GPR155: variants seen among roughly 807,000 people sequenced by gnomAD.
GPR155 encodes lysosomal cholesterol signaling protein.
In GPR155, 65 loss-of-function variants were observed where a neutral mutation model predicts 93.1. The ratio of observed to expected loss-of-function variants is 0.70; its 90% CI spans 0.57 to 0.86. The LOEUF (loss-of-function observed/expected upper bound fraction) is 0.86, where lower values mean the gene tolerates loss of function less well. Ranked by LOEUF, GPR155 falls within the 40% of genes least tolerant of loss-of-function variation. The pLI, the probability that GPR155 is intolerant of heterozygous loss-of-function variation, is 0.00. For synonymous variants in GPR155, 319 were observed against 360.1 expected (o/e 0.89, Z 1.29); for missense variants, 838 against 1,034.8 (o/e 0.81, Z 2.61).
intron 10 of GPR155, 98 bp from the exon 11 acceptor site, chr2:174,453,939 A>G: frequency 1.3e-6 from 1 of 780,680 alleles, no homozygotes; most frequent in South Asian, 1.4e-5. Context: ...ATCCACTCAC[A>G]CACACTTCCC....
Position 174,436,138 on chromosome 2 carries a change from G to T in GPR155, c.2591C>A (p.Pro864His). The change falls in exon 16 of 16, where the codon CCC becomes CAC. Residue 864 changes from proline to histidine, a missense_variant. Around this residue, in one of 3 missense-constraint regions of GPR155, gnomAD observed 146 missense variants for 177.5 expected, o/e 0.82. Transcript: ENST00000392552. ...AATTTAGGTCTTAGGGGAATGTGAG[G>T]GTGGGGATGAATGCTCAATTTCTTT... is the stretch of plus-strand genomic sequence containing the variant. Reference protein sequence around the residue: ...RYKEIEHSSPPSHSPKT With the variant: ...RYKEIEHSSPHSHSPKT The T allele has an allele frequency of 6.2e-7, 1 of 1,613,304 alleles. No individual in the cohort carries two copies. The highest frequency in any genetic ancestry group is 8.5e-7 in the Non-Finnish European group (1 of 1,179,276).
In GPR155 at chr2:174,435,926, A is replaced by T; in HGVS notation, c.*190T>A. 1.8e-6 allele frequency: 1 copy of T among 556,892 alleles called. No homozygotes were observed. Among genetic ancestry groups the T allele is most frequent in the Non-Finnish European group, 3.2e-6 (1 of 312,622 alleles). 34.5% of individuals were successfully genotyped at this position (556,892 alleles called of 1,614,324 possible). ...TCTCTTTTTCCTAAGTCAGCTTCCT[A>T]TGTGTTTTACATACATGTAAAATCA... On this transcript the variant is annotated 3_prime_UTR_variant, in exon 16 of 16. Transcript: ENST00000392552.
intron 10 of GPR155, 28 bp downstream of exon 10, chr2:174,459,850 A>C: frequency 6.6e-7 from 1 of 1,518,368 alleles, no homozygotes; most frequent in Non-Finnish European, 9.1e-7. Flanking sequence ...GTCTCAAATA[A>C]ATAAAAATAA....
At chr2:174,461,350 G>A (rs755227481) in intron 9 of GPR155, 52 bp downstream of exon 9, 22 of 1,055,310 alleles carry the variant, frequency 2.1e-5, no homozygotes, top group African/African-American at 4.7e-5. Context: ...GGCACATAAC[G>A]AGCTAAAAAG....
intron 11 of GPR155, among the ~76,000 whole-genome samples, chr2:174,448,821 G>A (rs1411850671): frequency 6.6e-6 from 1 of 152,060 alleles, no homozygotes; most frequent in Non-Finnish European, 1.5e-5. Flanking sequence ...ACAGGCGTGA[G>A]CCACCGCGCC....
intron 15 of GPR155, among the ~76,000 whole-genome samples, chr2:174,439,661 A>G (rs987986051): frequency 6.6e-6 from 1 of 152,228 alleles, no homozygotes; most frequent in African/African-American, 2.4e-5. Flanking sequence ...CACATTTTAT[A>G]TGGCAATCAG....
chr2:174,453,659 CA>C, intron 11 of GPR155, 77 bp downstream of exon 11: 16 of 426,624 alleles, frequency 3.8e-5, no homozygotes, highest in East Asian at 9.9e-5. Context: ...GACTCCGTCT[CA>C]AAAAAAAGAA....
chr2:174,478,374 A>G (rs925536557), intron 2 of GPR155, among the ~76,000 whole-genome samples: 1 of 152,102 alleles, frequency 6.6e-6, no homozygotes, highest in Admixed American at 6.5e-5. Context: ...CTTGTACCAC[A>G]CCTGGCTAAT....
At chr2:174,449,756 A>C (rs1687261823) in intron 11 of GPR155, among the ~76,000 whole-genome samples, 1 of 151,986 alleles carries the variant, frequency 6.6e-6, no homozygotes, top group Non-Finnish European at 1.5e-5. Context: ...TGGGCAGATC[A>C]CCTGAGGTCA....
In GPR155 at chr2:174,473,312, C is replaced by A; in HGVS notation, c.513G>T (p.Leu171Phe). 18 of 1,602,466 alleles carry A rather than the reference C, an allele frequency of 1.1e-5. No homozygotes were observed. Among genetic ancestry groups the A allele is most frequent in the Non-Finnish European group, 1.5e-5 (18 of 1,172,788 alleles). Residue 171 changes from leucine to phenylalanine, a missense_variant, in exon 3 of 16, where the codon TTG (leucine) becomes TTT (phenylalanine). Around this residue, in one of 3 missense-constraint regions of GPR155, gnomAD observed 663 missense variants for 790.1 expected, o/e 0.84. Coordinates refer to ENST00000392552, the MANE Select transcript of GPR155 (RefSeq NM_152529.7). ...TYPEYLQYIYLVAPISLMMLN... is the reference protein window; with the variant it reads ...TYPEYLQYIYFVAPISLMMLN... Reference sequence around the variant, plus strand: ...ACATCATAAGAGATATTGGTGCCACCAAATAAATGTACTGGAGATATTCTG... The same window carrying A: ...ACATCATAAGAGATATTGGTGCCACAAAATAAATGTACTGGAGATATTCTG...
At chr2:174,449,585 C>G (rs1422289256) in intron 11 of GPR155, among the ~76,000 whole-genome samples, 1 of 152,222 alleles carries the variant, frequency 6.6e-6, no homozygotes, top group Non-Finnish European at 1.5e-5. Flanking sequence ...TGGCTCATGC[C>G]TGTAGTCCCA....
In GPR155 at chr2:174,434,127, A is replaced by AT. The variant is rs1170093912; in HGVS notation, c.*1988dup. On this transcript the variant is annotated 3_prime_UTR_variant, in exon 16 of 16. Coordinates refer to ENST00000392552, the MANE Select transcript of GPR155 (RefSeq NM_152529.7). The stretch of plus-strand genomic sequence containing the variant: ...AGGTGCACACCACCACACCTGGCTA[A>AT]TTTTTTTTTTTTTTTTTTTTTTTAG... 0.066 allele frequency: 8,142 copies of AT among 122,496 alleles called. 923 individuals are homozygous for AT. The highest frequency in any genetic ancestry group is 0.23 in the African/African-American group (7,100 of 30,866). 7.6% of individuals were successfully genotyped at this position (122,496 alleles called of 1,614,324 possible).
intron 11 of GPR155, among the ~76,000 whole-genome samples, chr2:174,452,161 A>G (rs956915207): frequency 6.6e-6 from 1 of 152,196 alleles, no homozygotes; most frequent in Non-Finnish European, 1.5e-5. Context: ...AGACAGATAA[A>G]ACAAAGACAG....
intron 11 of GPR155, among the ~76,000 whole-genome samples, chr2:174,448,638 C>T (rs1016382225): frequency 1.3e-5 from 2 of 148,798 alleles, no homozygotes; most frequent in Non-Finnish European, 3.0e-5. Flanking sequence ...CCCGGGTTCA[C>T]GCCATTCTCC....
At chr2:174,441,581 C>G (rs928765176) in intron 14 of GPR155, among the ~76,000 whole-genome samples, 1 of 152,068 alleles carries the variant, frequency 6.6e-6, no homozygotes, top group African/African-American at 2.4e-5. Context: ...ATCCCTCCCA[C>G]CTTACCCTAC....
chr2:174,468,494 G>C (rs1361153586), intron 5 of GPR155, among the ~76,000 whole-genome samples: 1 of 152,080 alleles, frequency 6.6e-6, no homozygotes, highest in Non-Finnish European at 1.5e-5. Context: ...CATGATTCTA[G>C]AACAGCTAGG....
At chr2:174,452,664 T>C (rs1413155357) in intron 11 of GPR155, among the ~76,000 whole-genome samples, 1 of 151,926 alleles carries the variant, frequency 6.6e-6, no homozygotes, top group Non-Finnish European at 1.5e-5. Context: ...TTTTTCCCCC[T>C]AGATGGAGTC....
chr2:174,484,741 G>A (rs972241113), intron 1 of GPR155, among the ~76,000 whole-genome samples: 1 of 152,164 alleles, frequency 6.6e-6, no homozygotes, highest in Non-Finnish European at 1.5e-5. Flanking sequence ...GACCAGCCTG[G>A]CCAACATGGC....
chr2:174,481,755 T>C lies in GPR155; in HGVS notation c.202A>G (p.Thr68Ala), dbSNP rs774655337. The stretch of plus-strand genomic sequence containing the variant: ...AAATTTCCTAGTCCTTTGGCCTGGG[T>C]TGATGTTATGACATTGGCCCTTCCT... Reference protein sequence around the residue: ...IAGRANVITSTQAKGLGNFVS... With the variant: ...IAGRANVITSAQAKGLGNFVS... The change falls in exon 2 of 16, where the codon ACC becomes GCC. Residue 68 changes from threonine to alanine, a missense_variant. Physicochemically the swap from Thr to Ala is moderately conservative, Grantham distance 58. Around this residue, in one of 3 missense-constraint regions of GPR155, gnomAD observed 663 missense variants for 790.1 expected, o/e 0.84. Transcript: ENST00000392552. 1.2e-6 allele frequency: 2 copies of C among 1,614,038 alleles called. No homozygotes were observed.
Sources: allele counts gnomAD v4.1 joint callset (sites outside exome capture counted in the v4.1 genomes callset), GRCh38; gene constraint gnomAD v4.1.1; regional missense constraint gnomAD v4.1.1; transcripts MANE v1.5; gene names NCBI Gene and HGNC (gene_info 2026-07-23, HGNC 2026-07-21).